Variants in OGA observed in about 807,000 individuals in gnomAD.
OGA encodes O-GlcNAcase.
OGA carries 21 observed loss-of-function variants against 102.0 expected under a neutral mutation model. The ratio of observed to expected loss-of-function variants is 0.21; its 90% confidence interval spans 0.15 to 0.30. The LOEUF is 0.30. Ranked by LOEUF, OGA falls within the 10% of genes least tolerant of loss-of-function variation. OGA has a pLI of 1.00. For synonymous variants in OGA, 408 were observed against 378.2 expected (o/e 1.08, Z -0.91); for missense variants, 765 against 1,107.8 (o/e 0.69, Z 4.39).
chr10:101,800,490 C>A, intron 7 of OGA, 90 bp from the exon 8 acceptor site: 1 of 930,458 alleles, frequency 1.1e-6, no homozygotes, highest in South Asian at 1.7e-5. Context: ...CTAGTTTTCA[C>A]AGTATAACCA....
In OGA at chr10:101,798,146, T is replaced by C; in HGVS notation, c.1818A>G (p.Glu606=). 6.2e-7 allele frequency: 1 copy of C among 1,613,976 alleles called. No homozygotes were observed. Among genetic ancestry groups the C allele is most frequent in the Non-Finnish European group, 8.5e-7 (1 of 1,179,940 alleles). ...CAAACTTGGCTGCTCGTGACCGCCATTCTTCAATCTATTGAAGATCAATAA... is the reference window on the plus strand; with the variant it reads ...CAAACTTGGCTGCTCGTGACCGCCACTCTTCAATCTATTGAAGATCAATAA... ...CKGKDSEKIE[E]WRSRAAKFEE... is the part of the protein sequence containing the mutation. Residue 606 remains glutamate, a synonymous_variant, in exon 10 of 16, where the codon GAA becomes GAG. Transcript: ENST00000361464.
rs1343531060 is a variant in OGA, at chr10:101,809,717, A to AG, written c.480+466_480+467insC. ...CAAGACTCTGTCTCAAAAAAAAAAA[A>AG]AAAGAAAAAAAAAGCATTCAAAGTA... is the stretch of plus-strand genomic sequence containing the variant. On this transcript the variant is annotated intron_variant, in intron 4 of 15. Coordinates refer to ENST00000361464, the MANE Select transcript of OGA (RefSeq NM_012215.5). Among the ~76,000 whole-genome samples the AG allele has an allele frequency of 6.7e-5, 9 of 134,188 alleles. No homozygotes were observed. In the East Asian group the frequency reaches 1.6e-3, roughly 24 times the overall value. 88.0% of individuals were successfully genotyped at this position (134,188 alleles called of 152,430 possible). A position where few individuals can be genotyped will look rare whatever the true frequency, so the allele number is the denominator to read the frequency against.
rs768107121 is a variant in OGA at position 101,817,957 on chromosome 10, G to A, written c.66C>T (p.Ala22=). The A allele has an allele frequency of 6.2e-7, 1 of 1,603,140 alleles. No homozygotes were observed. The highest frequency in any genetic ancestry group is 8.5e-7 in the Non-Finnish European group (1 of 1,175,174). ...ERESELSSNP[A]ASAGASLEPP... ...GCTCCAGCGATGCCCCCGCAGAGGC[G>A]GCAGGGTTGGAGCTGAGCTCGCTCT... The change falls in exon 1 of 16, where the codon GCC becomes GCT. Residue 22 remains alanine (A), a synonymous_variant. Coordinates refer to ENST00000361464, the MANE Select transcript of OGA (RefSeq NM_012215.5).
In OGA at chr10:101,804,031, G is replaced by A. The variant is rs1220485846; in HGVS notation, c.752-12C>T. On this transcript the variant is annotated splice_polypyrimidine_tract_variant and intron_variant, in intron 6 of 15. Coordinates refer to ENST00000361464, the MANE Select transcript of OGA (RefSeq NM_012215.5). ...AACAACTTTGGGACCTAGAAATAAC[G>A]ACAACCGTTCGTTAAAAGAATCATG... 2 of 1,601,240 alleles carry A rather than the reference G, an allele frequency of 1.2e-6. No homozygotes were observed. Among genetic ancestry groups the A allele is most frequent in the Non-Finnish European group, 1.7e-6 (2 of 1,172,810 alleles).
rs995543935 is a variant in OGA, at chr10:101,788,836, T to C, written c.2455-1313A>G. ...AAACTGGTGAATAAAGTTTGGTGTC[T>C]GATTAATAATATACCCATGTTGGTT... On this transcript the variant is annotated intron_variant, in intron 14 of 15. Transcript: ENST00000361464. Among the ~76,000 whole-genome samples, 6 of 152,202 alleles carry C rather than the reference T, an allele frequency of 3.9e-5. 2 individuals are homozygous for C. In the South Asian group the frequency reaches 1.2e-3, roughly 31 times the overall value.
At position 101,790,672 on chromosome 10, in the gene OGA, T is replaced by C. The variant is rs568092559; in HGVS notation, c.2454+224A>G. Among the ~76,000 whole-genome samples the C allele has an allele frequency of 5.9e-5, 9 of 152,284 alleles. No homozygotes were observed. In the South Asian group the frequency reaches 1.9e-3, roughly 32 times the overall value. On this transcript the variant is annotated intron_variant, in intron 14 of 15. Coordinates refer to ENST00000361464, the MANE Select transcript of OGA (RefSeq NM_012215.5). ...TTCACCTGAGGAAATATTACAATAG[T>C]ACTCCCAAATAAAAAACTGTCCCAA...
rs1341544172 is a variant in OGA, at chr10:101,793,916, GAAC to G, written c.2064_2066del (p.Glu688_Phe689delinsAsp). The G allele has an allele frequency of 6.2e-7, 1 of 1,601,920 alleles. No individual in the cohort carries two copies. Among genetic ancestry groups the G allele is most frequent in the Non-Finnish European group, 8.6e-7 (1 of 1,169,170 alleles). ...AGTTGTGAATTCATATTGATACCTGGAACTCTCCTGCTAGACCACCTCTAAAGG... is the reference window on the plus strand; with the variant it reads ...AGTTGTGAATTCATATTGATACCTGGTCTCCTGCTAGACCACCTCTAAAGG... On this transcript the variant is annotated inframe_deletion, in exon 11 of 16. Transcript: ENST00000361464.
chr10:101,793,761 A>C (rs1434075491), intron 11 of OGA, 152 bp downstream of exon 11: 2 of 595,534 alleles, frequency 3.4e-6, no homozygotes, highest in African/African-American at 1.9e-5. Flanking sequence ...AAGAGGAGGA[A>C]AATTTGATTT....
chr10:101,787,751 G>GT (rs1242958369), intron 14 of OGA: 1 of 496,254 alleles, frequency 2.0e-6, no homozygotes, highest in Admixed American at 3.3e-5. Context: ...TCTCCCTCGC[G>GT]TGCACGCGCT....
chr10:101,802,967 T>C (rs1311155913), intron 7 of OGA, among the ~76,000 whole-genome samples: 59 of 132,398 alleles, frequency 4.5e-4, no homozygotes, highest in African/African-American at 1.6e-3. Flanking sequence ...GGTGAAACCC[T>C]GTCTCTACTT....
intron 1 of OGA, among the ~76,000 whole-genome samples, chr10:101,817,377 G>A (rs961698671): frequency 6.6e-6 from 1 of 152,178 alleles, no homozygotes; most frequent in Admixed American, 6.5e-5. Context: ...AAATACTATA[G>A]GCCAAACGTG....
At chr10:101,806,759 A>G (rs1049928019) in intron 5 of OGA, among the ~76,000 whole-genome samples, 1 of 152,214 alleles carries the variant, frequency 6.6e-6, no homozygotes, top group Non-Finnish European at 1.5e-5. Context: ...TGATAATATC[A>G]TAATAGAACT....
rs1047727632 is a variant in OGA, at chr10:101,787,506, G to A, written c.2472C>T (p.Phe824=). Residue 824 remains phenylalanine (F), a synonymous_variant, in exon 15 of 16, where the codon TTC becomes TTT. Coordinates refer to ENST00000361464, the MANE Select transcript of OGA (RefSeq NM_012215.5). ...CTGGCAGTACTTCCTGTTCTTCATGGAAACTCAACATTATTTTCTGGAAAA... is the reference window on the plus strand; with the variant it reads ...CTGGCAGTACTTCCTGTTCTTCATGAAAACTCAACATTATTTTCTGGAAAA... The part of the protein sequence containing the change: ...LSEAEKIMLS[F]HEEQEVLPET... The A allele has an allele frequency of 6.2e-7, 1 of 1,608,994 alleles. No homozygotes were observed. The highest frequency in any genetic ancestry group is 1.1e-5 in the South Asian group (1 of 90,870).
At chr10:101,790,836 A>C in intron 14 of OGA, 60 bp downstream of exon 14, 1 of 1,247,570 alleles carries the variant, frequency 8.0e-7, no homozygotes, top group Non-Finnish European at 1.1e-6. Flanking sequence ...TTAATAAAAA[A>C]TAAAAATAAA....
intron 14 of OGA, among the ~76,000 whole-genome samples, chr10:101,790,530 GC>G (rs1288098391): frequency 6.6e-6 from 1 of 152,038 alleles, no homozygotes; most frequent in Non-Finnish European, 1.5e-5. Context: ...ACCCGCCTTG[GC>G]CTCCCAAAGT....
At chr10:101,811,664 C>T (rs2065560500) in intron 3 of OGA, among the ~76,000 whole-genome samples, 1 of 151,822 alleles carries the variant, frequency 6.6e-6, no homozygotes, top group African/African-American at 2.4e-5. Context: ...TGCACTCCAG[C>T]CTGGGTAACA....
At chr10:101,801,889 G>A (rs1419690032) in intron 7 of OGA, among the ~76,000 whole-genome samples, 1 of 152,234 alleles carries the variant, frequency 6.6e-6, no homozygotes, top group East Asian at 1.9e-4. Flanking sequence ...GCTCACGCCT[G>A]TAATCCCAGA....
chr10:101,793,389 A>G (rs1448408079), intron 11 of OGA, among the ~76,000 whole-genome samples: 1 of 152,256 alleles, frequency 6.6e-6, no homozygotes, highest in East Asian at 1.9e-4. Flanking sequence ...TGCTGTGCGC[A>G]GCAGAGCACC....
intron 12 of OGA, chr10:101,792,558 A>G (rs1028102962): frequency 7.7e-5 from 23 of 300,072 alleles, no homozygotes; most frequent in Non-Finnish European, 1.3e-4. Context: ...AATTAGTCTA[A>G]GGACAACACA....
Sources: allele counts gnomAD v4.1 joint callset (sites outside exome capture counted in the v4.1 genomes callset), GRCh38; gene constraint gnomAD v4.1.1; transcripts MANE v1.5; gene names NCBI Gene and HGNC (gene_info 2026-07-23, HGNC 2026-07-21).